The following ZBTB20 variants were observed in gnomAD, a reference collection of about 807,000 sequenced individuals.
The protein encoded by ZBTB20 is zinc finger and BTB domain containing 20.
ZBTB20 carries 9 observed loss-of-function variants against 56.9 expected under a neutral mutation model. The observed-to-expected ratio is 0.16, with a 90% CI of 0.10 to 0.28. ZBTB20 has a LOEUF of 0.28. ZBTB20 is among the 10% of genes least tolerant of loss of function. The probability of loss-of-function intolerance (pLI) is 1.00; values close to 1 mark genes in which losing one functional copy is unlikely to be tolerated. For missense variants in ZBTB20, 655 were observed against 1,003.0 expected (o/e 0.65, Z 4.69); for synonymous variants, 417 against 420.7 (o/e 0.99, Z 0.11).
chr3:114,886,900 T>G (rs891317682), intron 4 of ZBTB20, among the ~76,000 whole-genome samples: 1 of 152,340 alleles, frequency 6.6e-6, no homozygotes, highest in South Asian at 2.1e-4. Flanking sequence ...TCCTGTCGCC[T>G]ATAACGGAAT....
At chr3:114,424,244 G>A (rs13090443) in intron 7 of ZBTB20, among the ~76,000 whole-genome samples, 85,068 of 152,078 alleles carry the variant, frequency 0.56, 27,367 homozygotes, top group Non-Finnish European at 0.73. Flanking sequence ...ACAGACACAA[G>A]TAATCATAGA....
chr3:114,713,683 G>A (rs2064254672), intron 5 of ZBTB20, among the ~76,000 whole-genome samples: 1 of 152,114 alleles, frequency 6.6e-6, no homozygotes, highest in Non-Finnish European at 1.5e-5. Flanking sequence ...GAACATTGAA[G>A]GGTAATATCT....
chr3:114,759,179 G>A (rs1457929725), intron 5 of ZBTB20: 1 of 152,126 alleles, frequency 6.6e-6, no homozygotes, highest in African/African-American at 2.4e-5. Context: ...CCATGCCAGG[G>A]CACAGCTTGT....
At chr3:114,938,413 G>A (rs558322212) in intron 3 of ZBTB20, among the ~76,000 whole-genome samples, 5 of 146,124 alleles carry the variant, frequency 3.4e-5, no homozygotes, top group Admixed American at 2.0e-4. Flanking sequence ...TAGGTCTTAC[G>A]TCTAAGTCTT....
intron 10 of ZBTB20, among the ~76,000 whole-genome samples, chr3:114,370,940 C>A (rs1037415883): frequency 6.6e-6 from 1 of 152,220 alleles, no homozygotes; most frequent in Non-Finnish European, 1.5e-5. Context: ...CCCTCATCCA[C>A]AAAATCTGTT....
At chr3:114,672,756 G>C (rs2061420508) in intron 6 of ZBTB20, among the ~76,000 whole-genome samples, 1 of 152,142 alleles carries the variant, frequency 6.6e-6, no homozygotes, top group Non-Finnish European at 1.5e-5. Context: ...TTGGTTTATA[G>C]TCCAGCCTCT....
At chr3:114,957,619 T>C (rs754772186) in intron 3 of ZBTB20, among the ~76,000 whole-genome samples, 5 of 152,228 alleles carry the variant, frequency 3.3e-5, no homozygotes, top group African/African-American at 4.8e-5. Context: ...CAGCTATTCA[T>C]GGCAGGATTT....
At chr3:114,694,563 T>A (rs1002752548) in intron 5 of ZBTB20, among the ~76,000 whole-genome samples, 8 of 151,970 alleles carry the variant, frequency 5.3e-5, no homozygotes, top group Non-Finnish European at 1.0e-4. Context: ...GAATTTTTTT[T>A]ATAGTTACCA....
Position 114,350,867 on chromosome 3 carries a change from G to A in ZBTB20, c.1211C>T (p.Ala404Val), listed in dbSNP as rs1452055268. 5 of 1,610,008 alleles carry A rather than the reference G, an allele frequency of 3.1e-6. No individual in the cohort carries two copies. Among genetic ancestry groups the A allele is most frequent in the Non-Finnish European group, 4.2e-6 (5 of 1,180,000 alleles). Residue 404 changes from alanine (A) to valine (V), a missense_variant, in exon 11 of 12, where the codon GCT becomes GTT. Ala to Val is a moderately conservative substitution (Grantham distance 64, BLOSUM62 0). Around this residue, in one of 10 missense-constraint regions of ZBTB20, gnomAD observed 156 missense variants for 181.0 expected, o/e 0.86. Coordinates refer to ENST00000675478, the MANE Select transcript of ZBTB20 (RefSeq NM_001348800.3). The part of the protein sequence containing the change: ...FGPGAARDSQ[A>V]EPTQPEQAAE... The stretch of plus-strand genomic sequence containing the variant: ...AGCCTGCTCGGGTTGGGTGGGTTCA[G>A]CCTGGCTGTCCCGCGCCGCCCCAGG...
chr3:114,813,820 T>C (rs2072733560), intron 4 of ZBTB20, among the ~76,000 whole-genome samples: 1 of 152,170 alleles, frequency 6.6e-6, no homozygotes, highest in Admixed American at 6.5e-5. Context: ...TATAATATAA[T>C]CTAGATAATC....
chr3:114,374,964 A>T (rs1040276599), intron 10 of ZBTB20, among the ~76,000 whole-genome samples: 12 of 152,192 alleles, frequency 7.9e-5, no homozygotes, highest in African/African-American at 2.9e-4. Context: ...TGCCAAAGAG[A>T]CCTTCAAACT....
chr3:114,968,095 T>C (rs1041904875), intron 3 of ZBTB20, among the ~76,000 whole-genome samples: 2 of 152,146 alleles, frequency 1.3e-5, no homozygotes, highest in African/African-American at 2.4e-5. Context: ...CATTTGAATA[T>C]AGCATGCGTA....
chr3:114,389,353 G>A (rs1180696346), intron 7 of ZBTB20, among the ~76,000 whole-genome samples: 1 of 152,146 alleles, frequency 6.6e-6, no homozygotes, highest in African/African-American at 2.4e-5. Flanking sequence ...CTGTCAGTGC[G>A]GGCGGAGCTG....
intron 3 of ZBTB20, among the ~76,000 whole-genome samples, chr3:114,947,173 C>T (rs924232595): frequency 6.9e-6 from 1 of 145,646 alleles, no homozygotes; most frequent in East Asian, 1.9e-4. Context: ...TCTTGGCAAG[C>T]AATTGCAGAA....
At chr3:114,757,833 T>C (rs1291913069) in intron 5 of ZBTB20, among the ~76,000 whole-genome samples, 4 of 152,116 alleles carry the variant, frequency 2.6e-5, no homozygotes, top group African/African-American at 9.6e-5. Context: ...ATTTTAAAAT[T>C]CTGATTTTCT....
intron 1 of ZBTB20, among the ~76,000 whole-genome samples, chr3:115,111,961 ACT>A (rs1402211772): frequency 6.6e-6 from 1 of 152,162 alleles, no homozygotes; most frequent in African/African-American, 2.4e-5. Flanking sequence ...TAGTTTTACC[ACT>A]GAGTTCCTTC....
At chr3:114,646,639 T>C (rs1006646923) in intron 6 of ZBTB20, among the ~76,000 whole-genome samples, 1 of 152,226 alleles carries the variant, frequency 6.6e-6, no homozygotes, top group Non-Finnish European at 1.5e-5. Context: ...GTTTCATTCA[T>C]CCTCCTGTAA....
chr3:114,339,299 G>T lies in ZBTB20; in HGVS notation c.1932C>A (p.Thr644=). 1 of 1,614,132 alleles carries T rather than the reference G, an allele frequency of 6.2e-7. No individual in the cohort carries two copies. The highest frequency in any genetic ancestry group is 8.5e-7 in the Non-Finnish European group (1 of 1,180,024). Residue 644 remains threonine (T), a synonymous_variant, in exon 12 of 12, where the codon ACC becomes ACA. Coordinates refer to ENST00000675478, the MANE Select transcript of ZBTB20 (RefSeq NM_001348800.3). The surrounding 1 kb of genome is among the most constrained non-coding windows in gnomAD (Gnocchi z 4.2). ...TGTGCACGTTGAGGGAGCTCTTCTG[G>T]GTGAAGCGCTTGTTGCAGATACTAC... ...YQCSICNKRF[T]QKSSLNVHMR... is the part of the protein sequence containing the mutation.
intron 2 of ZBTB20, among the ~76,000 whole-genome samples, chr3:115,001,055 G>A (rs1289962985): frequency 6.8e-6 from 1 of 146,162 alleles, no homozygotes; most frequent in Non-Finnish European, 1.5e-5. Context: ...ATCTGAAGTG[G>A]CATATTCTAA....
Sources: allele counts gnomAD v4.1 joint callset (sites outside exome capture counted in the v4.1 genomes callset), GRCh38; gene constraint gnomAD v4.1.1; regional missense constraint gnomAD v4.1.1; non-coding constraint Gnocchi (gnomAD v3.1); transcripts MANE v1.5; gene names NCBI Gene and HGNC (gene_info 2026-07-23, HGNC 2026-07-21).